PPHLN1: variants seen among roughly 807,000 people sequenced by gnomAD.
PPHLN1 encodes the protein periphilin 1.
PPHLN1 carries 29 observed loss-of-function variants against 51.3 expected under a neutral mutation model. The observed-to-expected ratio is 0.57, with a 90% CI of 0.42 to 0.77. PPHLN1 has a LOEUF of 0.77. Among genes scored for constraint, PPHLN1 ranks in the 30% least tolerant of loss-of-function variants. PPHLN1 has a pLI of 0.00. For missense variants in PPHLN1, 436 were observed against 438.4 expected, an observed-to-expected ratio of 0.99 and a Z score of 0.05; for synonymous variants, 147 against 147.8, an observed-to-expected ratio of 0.99 and a Z score of 0.04.
intron 9 of PPHLN1, among the ~76,000 whole-genome samples, chr12:42,439,915 A>G (rs897925824): frequency 3.9e-5 from 6 of 151,954 alleles, no homozygotes; most frequent in Non-Finnish European, 7.4e-5. Context: ...GCCTTTCTGT[A>G]TAAACTTTAA....
At chr12:42,366,789 A>C (rs1403876996) in intron 4 of PPHLN1, among the ~76,000 whole-genome samples, 1 of 152,180 alleles carries the variant, frequency 6.6e-6, no homozygotes, top group Non-Finnish European at 1.5e-5. Flanking sequence ...AATAATATGC[A>C]ACACTTGGGT....
chr12:42,329,008 C>G lies in PPHLN1; in HGVS notation c.-21+2779C>G, dbSNP rs546461697. Among the ~76,000 whole-genome samples, 89 of 152,208 alleles carry G rather than the reference C, an allele frequency of 5.8e-4. 1 individual carries two copies. The highest frequency in any genetic ancestry group is 2.0e-3 in the African/African-American group (81 of 41,486). ...GGATTACGGGCATGAGCCACCGCAC[C>G]CAGCCCCAGCATCAGTTAATTTTTT... On this transcript the variant is annotated intron_variant, in intron 1 of 9. Coordinates refer to ENST00000358314, the MANE Select transcript of PPHLN1 (RefSeq NM_201439.2).
intron 2 of PPHLN1, among the ~76,000 whole-genome samples, chr12:42,350,930 C>T (rs997325576): frequency 4.0e-4 from 60 of 151,292 alleles, no homozygotes; most frequent in African/African-American, 1.4e-3. Flanking sequence ...AGTCCAGCCT[C>T]GGCAACAGAG....
intron 5 of PPHLN1, among the ~76,000 whole-genome samples, chr12:42,383,965 C>T (rs2076971875): frequency 1.9e-5 from 2 of 107,248 alleles, no homozygotes; most frequent in African/African-American, 7.0e-5. Context: ...GCCTGGGCAA[C>T]AGAGTGAGAC....
intron 9 of PPHLN1, among the ~76,000 whole-genome samples, chr12:42,414,867 C>T (rs748681154): frequency 2.9e-4 from 44 of 152,178 alleles, no homozygotes; most frequent in Non-Finnish European, 5.4e-4. Context: ...GTTTTCTTTG[C>T]AAATTTACCT....
intron 1 of PPHLN1, among the ~76,000 whole-genome samples, chr12:42,332,152 T>G (rs2069850394): frequency 6.6e-6 from 1 of 152,030 alleles, no homozygotes; most frequent in Non-Finnish European, 1.5e-5. Flanking sequence ...TACAGTGAGG[T>G]GTGTTTGCCC....
At chr12:42,394,017 C>T (rs1171038989) in intron 8 of PPHLN1, among the ~76,000 whole-genome samples, 1 of 151,864 alleles carries the variant, frequency 6.6e-6, no homozygotes, top group Non-Finnish European at 1.5e-5. Flanking sequence ...TAGTTATAAA[C>T]CAGTGAATTC....
chr12:42,341,452 T>G (rs573266612), intron 2 of PPHLN1, among the ~76,000 whole-genome samples: 1 of 152,168 alleles, frequency 6.6e-6, no homozygotes, highest in Non-Finnish European at 1.5e-5. Flanking sequence ...GCAGCTGTTT[T>G]CTGAGTTTCT....
intron 4 of PPHLN1, 23 bp downstream of exon 4, chr12:42,355,245 A>G (rs752019051): frequency 1.0e-5 from 16 of 1,598,372 alleles, no homozygotes; most frequent in African/African-American, 2.7e-5. Flanking sequence ...AAATAATAGC[A>G]TAAGTACTTT....
rs1450423144 is a variant in PPHLN1 at position 42,387,498 on chromosome 12, C to T, written c.611C>T (p.Thr204Ile). ...CAGTCTTTGAAAACATCAAGAGATA[C>T]TTCACCCTCAAGTGGTTCAGCAGTT... ...PVQSLKTSRD[T>I]SPSSGSAVSS... Residue 204 changes from threonine to isoleucine, a missense_variant, in exon 7 of 10, where the codon ACT becomes ATT. Transcript: ENST00000358314. The T allele has an allele frequency of 6.2e-7, 1 of 1,613,498 alleles. No individual in the cohort carries two copies. Among genetic ancestry groups the T allele is most frequent in the East Asian group, 2.2e-5 (1 of 44,840 alleles).
At chr12:42,376,790 A>AAAAT (rs1186847883) in intron 5 of PPHLN1, among the ~76,000 whole-genome samples, 9 of 152,324 alleles carry the variant, frequency 5.9e-5, no homozygotes, top group East Asian at 3.9e-4. Flanking sequence ...TATGTCTCTA[A>AAAAT]AAATAAATAA....
intron 9 of PPHLN1, among the ~76,000 whole-genome samples, chr12:42,401,925 C>A (rs1300018514): frequency 6.6e-6 from 1 of 151,968 alleles, no homozygotes; most frequent in African/African-American, 2.4e-5. Context: ...CACGATTACA[C>A]CTCACTGCAG....
intron 9 of PPHLN1, among the ~76,000 whole-genome samples, chr12:42,407,723 T>TA (rs1471975549): frequency 2.0e-5 from 3 of 152,358 alleles, no homozygotes; most frequent in Admixed American, 6.5e-5. Context: ...CTGTATACTT[T>TA]AAATCATCTC....
chr12:42,425,327 G>A (rs1285722278), intron 9 of PPHLN1, among the ~76,000 whole-genome samples: 1 of 150,156 alleles, frequency 6.7e-6, no homozygotes, highest in African/African-American at 2.5e-5. Flanking sequence ...CTGACCTCAG[G>A]TGATCTGCCT....
chr12:42,365,342 A>G (rs1201727080), intron 4 of PPHLN1, among the ~76,000 whole-genome samples: 1 of 152,210 alleles, frequency 6.6e-6, no homozygotes, highest in Non-Finnish European at 1.5e-5. Context: ...ATATTTGTGT[A>G]TATTTGGATG....
At chr12:42,375,752 G>A (rs2076215983) in intron 5 of PPHLN1, among the ~76,000 whole-genome samples, 1 of 151,942 alleles carries the variant, frequency 6.6e-6, no homozygotes, top group African/African-American at 2.4e-5. Context: ...ATCTTAGCAT[G>A]TCATGCTGGC....
chr12:42,347,709 G>C (rs1032560713), intron 2 of PPHLN1, among the ~76,000 whole-genome samples: 2 of 152,178 alleles, frequency 1.3e-5, no homozygotes, highest in Admixed American at 6.5e-5. Context: ...GAACCTAGGA[G>C]GTGTAGGTTG....
intron 9 of PPHLN1, among the ~76,000 whole-genome samples, chr12:42,411,846 G>T (rs2079863519): frequency 7.0e-6 from 1 of 142,210 alleles, no homozygotes; most frequent in Non-Finnish European, 1.5e-5. Flanking sequence ...GGAGGTTGCA[G>T]TGTGTGGAGA....
intron 9 of PPHLN1, among the ~76,000 whole-genome samples, chr12:42,412,018 A>G (rs1008749526): frequency 1.3e-5 from 2 of 151,862 alleles, no homozygotes; most frequent in African/African-American, 2.4e-5. Flanking sequence ...TACCCTGGCC[A>G]ATATGGTGAA....
Sources: allele counts gnomAD v4.1 joint callset (sites outside exome capture counted in the v4.1 genomes callset), GRCh38; gene constraint gnomAD v4.1.1; transcripts MANE v1.5; gene names NCBI Gene and HGNC (gene_info 2026-07-23, HGNC 2026-07-21).